The following TANC1 variants were observed in gnomAD, a reference collection of about 807,000 sequenced individuals.
The protein encoded by TANC1 is tetratricopeptide repeat, ankyrin repeat and coiled-coil containing 1.
A neutral mutation model predicts 149.7 loss-of-function variants in TANC1; 77 were observed. The observed-to-expected ratio is 0.51, with a 90% CI of 0.43 to 0.62. The LOEUF (loss-of-function observed/expected upper bound fraction) is 0.62. Ranked by LOEUF, TANC1 falls within the 20% of genes least tolerant of loss-of-function variation. The pLI, the probability that TANC1 is intolerant of heterozygous loss-of-function variation, is 0.00. For missense variants in TANC1, 1,985 were observed against 2,321.8 expected, an observed-to-expected ratio of 0.85 and a Z score of 2.98; for synonymous variants, 854 against 925.0, an observed-to-expected ratio of 0.92 and a Z score of 1.39.
intron 1 of TANC1, among the ~76,000 whole-genome samples, chr2:158,988,824 G>A (rs1416741139): frequency 1.3e-5 from 2 of 152,156 alleles, no homozygotes; most frequent in African/African-American, 2.4e-5. Context: ...CAGGTCTCAT[G>A]GCAGGTCGAC....
chr2:159,084,306 C>A (rs566118881), intron 3 of TANC1, among the ~76,000 whole-genome samples: 6 of 152,024 alleles, frequency 3.9e-5, no homozygotes, highest in Non-Finnish European at 8.8e-5. Flanking sequence ...GCTCCCCCCC[C>A]AATACAGGCC....
At chr2:159,095,461 A>G (rs184220834) in intron 3 of TANC1, among the ~76,000 whole-genome samples, 2 of 152,190 alleles carry the variant, frequency 1.3e-5, no homozygotes. Flanking sequence ...TGTGCTGGCC[A>G]GGCGCTGTGG....
intron 24 of TANC1, chr2:159,226,131 C>G (rs2060011417): frequency 1.0e-5 from 3 of 298,510 alleles, no homozygotes; most frequent in South Asian, 6.4e-5. Context: ...GATTGCACCA[C>G]TGCACTCCAG....
At chr2:159,094,380 T>G (rs191900143) in intron 3 of TANC1, among the ~76,000 whole-genome samples, 47 of 152,346 alleles carry the variant, frequency 3.1e-4, no homozygotes, top group African/African-American at 1.1e-3. Flanking sequence ...TCTTGGTGAT[T>G]CTTGCCTGTA....
chr2:159,179,282 T>C, intron 14 of TANC1, 119 bp downstream of exon 14: 1 of 1,327,912 alleles, frequency 7.5e-7, no homozygotes, highest in Non-Finnish European at 1.0e-6. Flanking sequence ...TAATTCAGTG[T>C]TACTGCTTTG....
At chr2:159,222,234 A>AT (rs1413582235) in intron 22 of TANC1, among the ~76,000 whole-genome samples, 1 of 152,150 alleles carries the variant, frequency 6.6e-6, no homozygotes, top group Non-Finnish European at 1.5e-5. Flanking sequence ...TTCCAACATA[A>AT]TTTTTTTAAT....
At chr2:159,094,002 G>A (rs898467494) in intron 3 of TANC1, among the ~76,000 whole-genome samples, 10 of 152,340 alleles carry the variant, frequency 6.6e-5, no homozygotes, top group African/African-American at 2.2e-4. Context: ...AGAATTATAA[G>A]TATTTAAGAA....
At chr2:159,008,437 T>C (rs2037435557) in intron 2 of TANC1, among the ~76,000 whole-genome samples, 2 of 152,246 alleles carry the variant, frequency 1.3e-5, no homozygotes, top group Admixed American at 6.5e-5. Flanking sequence ...ATAGGTTTGC[T>C]GCTATTCATG....
chr2:159,202,080 G>A (rs531732628), intron 19 of TANC1, among the ~76,000 whole-genome samples: 5 of 152,208 alleles, frequency 3.3e-5, no homozygotes, highest in African/African-American at 9.6e-5. Context: ...TGTGGTTGTC[G>A]TGCCTGTTGC....
rs1280852385 is a variant in TANC1 at position 159,058,048 on chromosome 2, A to G, written c.-15-7848A>G. 2.0e-5 allele frequency among the ~76,000 whole-genome samples: 3 copies of G among 152,228 alleles called. No homozygotes were observed. In the East Asian group the frequency reaches 5.8e-4, roughly 29 times the overall value. Reference sequence around the variant, plus strand: ...AGGGAACTCCTGCCTGTAAGTGAGCAGGAGCTCTCTGCAAGACTGAGCTCT... The same window carrying G: ...AGGGAACTCCTGCCTGTAAGTGAGCGGGAGCTCTCTGCAAGACTGAGCTCT... On this transcript the variant is annotated intron_variant, in intron 2 of 26. Transcript: ENST00000263635.
At chr2:159,173,292 A>T (rs34917837) in intron 11 of TANC1, among the ~76,000 whole-genome samples, 35,377 of 152,184 alleles carry the variant, frequency 0.23, 5,321 homozygotes, top group Non-Finnish European at 0.35. Context: ...TTTATTTTTT[A>T]AAAAATTGTG....
At chr2:159,060,483 A>G (rs1241056446) in intron 2 of TANC1, among the ~76,000 whole-genome samples, 4 of 152,240 alleles carry the variant, frequency 2.6e-5, no homozygotes, top group African/African-American at 9.6e-5. Flanking sequence ...CTGATGTCAC[A>G]TGGATTTAAC....
chr2:159,143,070 A>AC (rs568857809), intron 5 of TANC1, among the ~76,000 whole-genome samples: 5,751 of 77,908 alleles, frequency 0.074, 284 homozygotes, highest in Non-Finnish European at 0.1. Flanking sequence ...CTCAAAAAAA[A>AC]AAAAAAAACA....
chr2:158,997,723 T>C (rs896056652), intron 1 of TANC1, among the ~76,000 whole-genome samples: 2 of 152,248 alleles, frequency 1.3e-5, no homozygotes, highest in Non-Finnish European at 2.9e-5. Flanking sequence ...TACTGCATTA[T>C]AGTCCAAGAT....
At chr2:158,999,051 T>C (rs1417643151) in intron 1 of TANC1, among the ~76,000 whole-genome samples, 3 of 152,132 alleles carry the variant, frequency 2.0e-5, no homozygotes, top group Non-Finnish European at 4.4e-5. Flanking sequence ...CCTATTCAGT[T>C]GGGGTGCATA....
chr2:159,209,610 C>T (rs1358544748), intron 19 of TANC1, among the ~76,000 whole-genome samples: 2 of 152,088 alleles, frequency 1.3e-5, no homozygotes, highest in Non-Finnish European at 2.9e-5. Flanking sequence ...ACCGGTCAGC[C>T]GCCATATAGC....
intron 2 of TANC1, among the ~76,000 whole-genome samples, chr2:159,041,330 G>A (rs1025824069): frequency 1.3e-5 from 2 of 152,332 alleles, no homozygotes; most frequent in Middle Eastern, 6.8e-3. Context: ...GTCAGACAGG[G>A]ACGTTTAAGT....
chr2:159,198,859 C>A, intron 18 of TANC1, 116 bp from the exon 19 acceptor site: 2 of 672,392 alleles, frequency 3.0e-6, no homozygotes, highest in South Asian at 1.9e-5. Flanking sequence ...TTTTTCTCTC[C>A]TTGGGCAGTG....
intron 26 of TANC1, 68 bp from the exon 27 acceptor site, chr2:159,229,510 T>G (rs1450264915): frequency 7.7e-7 from 1 of 1,291,426 alleles, no homozygotes; most frequent in Non-Finnish European, 1.1e-6. Context: ...ACAGCTCTTT[T>G]ATGAACAGTT....
Sources: allele counts gnomAD v4.1 joint callset (sites outside exome capture counted in the v4.1 genomes callset), GRCh38; gene constraint gnomAD v4.1.1; transcripts MANE v1.5; gene names NCBI Gene and HGNC (gene_info 2026-07-23, HGNC 2026-07-21).